The following WDPCP variants were observed in gnomAD, a reference collection of about 807,000 sequenced individuals.
WDPCP encodes WD repeat-containing and planar cell polarity effector protein fritz homolog.
Under a neutral mutation model 93.1 loss-of-function variants are expected in WDPCP, and 71 were observed. The observed-to-expected ratio is 0.76, with a 90% CI of 0.63 to 0.93. The LOEUF (loss-of-function observed/expected upper bound fraction) is 0.93, where lower values mean the gene tolerates loss of function less well. Ranked by LOEUF, WDPCP falls within the 40% of genes least tolerant of loss-of-function variation. The pLI, the probability that WDPCP is intolerant of heterozygous loss-of-function variation, is 0.00. For synonymous variants in WDPCP, 315 were observed against 315.0 expected (o/e 1.00, Z 0.00); for missense variants, 844 against 887.4 (o/e 0.95, Z 0.62).
intron 17 of WDPCP, among the ~76,000 whole-genome samples, chr2:63,132,717 T>C (rs556383004): frequency 6.6e-6 from 1 of 152,210 alleles, no homozygotes; most frequent in Non-Finnish European, 1.5e-5. Flanking sequence ...TCTATCTCTG[T>C]TGAAATTCCC....
intron 12 of WDPCP, among the ~76,000 whole-genome samples, chr2:63,314,750 A>C (rs1278010929): frequency 6.6e-6 from 1 of 150,934 alleles, no homozygotes; most frequent in East Asian, 2.0e-4. Flanking sequence ...TTGCTTATCA[A>C]TTATCAGTGG....
chr2:63,151,388 C>T (rs909442966), intron 17 of WDPCP, among the ~76,000 whole-genome samples: 30 of 152,214 alleles, frequency 2.0e-4, no homozygotes, highest in African/African-American at 7.0e-4. Context: ...CTGTGCCTGG[C>T]TACTTTTTGT....
chr2:63,220,690 G>A (rs1409275328), intron 14 of WDPCP, among the ~76,000 whole-genome samples: 1 of 152,088 alleles, frequency 6.6e-6, no homozygotes, highest in Non-Finnish European at 1.5e-5. Context: ...ATTATTATAT[G>A]CATATTTTTC....
chr2:63,668,938 C>A (rs1710315287), intron 2 of WDPCP, among the ~76,000 whole-genome samples: 1 of 152,214 alleles, frequency 6.6e-6, no homozygotes, highest in East Asian at 1.9e-4. Context: ...AATAACCCTT[C>A]TTTCCCAGGA....
chr2:63,469,373 T>A lies in WDPCP; in HGVS notation c.384+15231A>T, dbSNP rs192026859. Among the ~76,000 whole-genome samples the A allele has an allele frequency of 2.8e-4, 42 of 152,330 alleles. No homozygotes were observed. The East Asian group carries it at 7.9e-3, about 29-fold the overall frequency. On this transcript the variant is annotated intron_variant, in intron 6 of 17. Transcript: ENST00000272321. ...GATATACCCAAAGGAATATAAATAG[T>A]TCTATCATAAAGACACATGCATGCA...
At chr2:63,716,788 C>T (rs1259777661) in intron 2 of WDPCP, among the ~76,000 whole-genome samples, 3 of 152,158 alleles carry the variant, frequency 2.0e-5, no homozygotes, top group African/African-American at 7.2e-5. Flanking sequence ...ACTGATCTGA[C>T]CAGAACTCTT....
intron 14 of WDPCP, among the ~76,000 whole-genome samples, chr2:63,201,676 G>T (rs542418134): frequency 6.6e-6 from 1 of 152,104 alleles, no homozygotes; most frequent in African/African-American, 2.4e-5. Flanking sequence ...CTATTATTGT[G>T]GGGGGAGCAC....
chr2:63,527,849 GTTC>G (rs1163029960), intron 1 of WDPCP, among the ~76,000 whole-genome samples: 31 of 151,586 alleles, frequency 2.0e-4, no homozygotes, highest in African/African-American at 6.8e-4. Flanking sequence ...GTGTAAAAGC[GTTC>G]TTATTTCTCC....
intron 13 of WDPCP, among the ~76,000 whole-genome samples, chr2:63,265,557 A>T (rs1192412179): frequency 6.6e-6 from 1 of 152,198 alleles, no homozygotes; most frequent in Non-Finnish European, 1.5e-5. Flanking sequence ...CCAGGATCTG[A>T]TGGTTTCACT....
At chr2:63,420,523 A>T (rs1419071904) in intron 9 of WDPCP, among the ~76,000 whole-genome samples, 1 of 145,478 alleles carries the variant, frequency 6.9e-6, no homozygotes, top group East Asian at 2.2e-4. Flanking sequence ...AACAGAAGTG[A>T]AACTCCATCT....
intron 10 of WDPCP, among the ~76,000 whole-genome samples, 161 bp from the exon 11 acceptor site, chr2:63,382,255 T>C (rs1041077978): frequency 1.2e-4 from 19 of 152,176 alleles, no homozygotes; most frequent in African/African-American, 4.6e-4. Flanking sequence ...TAAGATACAC[T>C]GATAACAACA....
chr2:63,575,833 T>C (rs1436177137), intron 1 of WDPCP, among the ~76,000 whole-genome samples: 2 of 151,972 alleles, frequency 1.3e-5, no homozygotes, highest in East Asian at 3.9e-4. Flanking sequence ...TGGGAGATAA[T>C]TTATATTATT....
At chr2:63,352,918 A>T (rs1689733704) in intron 12 of WDPCP, among the ~76,000 whole-genome samples, 1 of 152,236 alleles carries the variant, frequency 6.6e-6, no homozygotes, top group Non-Finnish European at 1.5e-5. Context: ...TGCTAATAAA[A>T]AAACTAGTAA....
At chr2:63,567,029 G>T (rs1447041676) in intron 1 of WDPCP, among the ~76,000 whole-genome samples, 2 of 152,168 alleles carry the variant, frequency 1.3e-5, no homozygotes, top group African/African-American at 4.8e-5. Context: ...TGTGGTTGTG[G>T]GGAGAAAGGT....
chr2:63,808,421 C>G (rs1016692961), intron 2 of WDPCP, among the ~76,000 whole-genome samples: 1 of 150,490 alleles, frequency 6.6e-6, no homozygotes, highest in Non-Finnish European at 1.5e-5. Context: ...GCTGCCATCT[C>G]GGCTCACTGC....
intron 14 of WDPCP, among the ~76,000 whole-genome samples, chr2:63,235,477 ACTC>A (rs1679310440): frequency 6.6e-6 from 1 of 152,164 alleles, no homozygotes; most frequent in Non-Finnish European, 1.5e-5. Flanking sequence ...GTAGAAGGCA[ACTC>A]CTTCTTAACT....
Position 63,151,860 on chromosome 2 carries a change from T to A in WDPCP, c.2190+1054A>T, listed in dbSNP as rs1671909846. ...GTGGAGTGTGTGGCATTATCTCTATTTTAGGAATGAAGAAGTTGAGGCTTA... is the reference window on the plus strand; with the variant it reads ...GTGGAGTGTGTGGCATTATCTCTATATTAGGAATGAAGAAGTTGAGGCTTA... On this transcript the variant is annotated intron_variant, in intron 17 of 17. Coordinates refer to ENST00000272321, the MANE Select transcript of WDPCP (RefSeq NM_015910.7). Among the ~76,000 whole-genome samples the A allele has an allele frequency of 2.0e-5, 3 of 152,228 alleles. No homozygotes were observed. In the South Asian group the frequency reaches 6.2e-4, roughly 32 times the overall value.
At chr2:63,497,793 G>T (rs1701321898) in intron 1 of WDPCP, among the ~76,000 whole-genome samples, 1 of 152,204 alleles carries the variant, frequency 6.6e-6, no homozygotes, top group African/African-American at 2.4e-5. Flanking sequence ...GACTGAGCTT[G>T]TATTATTCAA....
intron 2 of WDPCP, among the ~76,000 whole-genome samples, chr2:63,769,551 T>A (rs545039372): frequency 6.6e-6 from 1 of 151,978 alleles, no homozygotes; most frequent in African/African-American, 2.4e-5. Context: ...CTTTCTTGTA[T>A]TGGCCTCGTG....
Sources: allele counts gnomAD v4.1 joint callset (sites outside exome capture counted in the v4.1 genomes callset), GRCh38; gene constraint gnomAD v4.1.1; transcripts MANE v1.5; gene names NCBI Gene and HGNC (gene_info 2026-07-23, HGNC 2026-07-21).